Variants in SNRPN observed in about 807,000 individuals in gnomAD.
SNRPN encodes the protein small nuclear ribonucleoprotein-associated protein N.
A neutral mutation model predicts 25.2 loss-of-function variants in SNRPN; 7 were observed. The observed-to-expected ratio is 0.28, with a 90% CI of 0.16 to 0.52. The LOEUF is 0.52. Among genes scored for constraint, SNRPN ranks in the 20% least tolerant of loss-of-function variants. The pLI, the probability that SNRPN is intolerant of heterozygous loss-of-function variation, is 0.96. For synonymous variants in SNRPN, 124 were observed against 110.6 expected, an observed-to-expected ratio of 1.12 and a Z score of -0.76; for missense variants, 196 against 322.5, an observed-to-expected ratio of 0.61 and a Z score of 3.00.
intron 1 of SNRPN, among the ~76,000 whole-genome samples, chr15:24,873,866 G>A (rs1264590225): frequency 6.6e-6 from 1 of 152,004 alleles, no homozygotes; most frequent in Non-Finnish European, 1.5e-5. Context: ...AGCTGATCTA[G>A]ACCACATTTC....
Position 24,976,966 on chromosome 15 carries a change from A to G in SNRPN, c.357A>G (p.Pro119=). ...AAGRGVPAGV[P]IPQAPAGLAG... ...GTAGAGGAGTACCAGCTGGTGTGCC[A>G]ATTCCCCAGGCCCCTGCTGGATTGG... The change falls in exon 7 of 10, where the codon CCA becomes CCG. Residue 119 remains proline, a synonymous_variant. Transcript: ENST00000390687. The G allele has an allele frequency of 6.2e-7, 1 of 1,605,972 alleles. No individual in the cohort carries two copies. The highest frequency in any genetic ancestry group is 8.5e-7 in the Non-Finnish European group (1 of 1,177,226).
intron 1 of SNRPN, among the ~76,000 whole-genome samples, chr15:24,870,040 G>A (rs1413425136): frequency 6.6e-6 from 1 of 152,120 alleles, no homozygotes; most frequent in Non-Finnish European, 1.5e-5. Flanking sequence ...GCCATTGGAA[G>A]GTCTCTCAGT....
intron 1 of SNRPN, among the ~76,000 whole-genome samples, chr15:24,882,237 TAA>T (rs35564149): frequency 2.7e-5 from 4 of 150,906 alleles, no homozygotes; most frequent in Admixed American, 6.6e-5. Flanking sequence ...ACAAAGCCTT[TAA>T]AAAAAAAATT....
At chr15:24,883,104 T>G (rs2056885041) in intron 1 of SNRPN, among the ~76,000 whole-genome samples, 1 of 152,098 alleles carries the variant, frequency 6.6e-6, no homozygotes, top group Non-Finnish European at 1.5e-5. Context: ...CATCATAAAG[T>G]TGAAAAATTG....
upstream of SNRPN, among the ~76,000 whole-genome samples, chr15:24,950,060 A>C (rs1302149760): frequency 6.6e-6 from 1 of 152,110 alleles, no homozygotes; most frequent in Non-Finnish European, 1.5e-5. Context: ...GAGTTCAAGC[A>C]ATCCTCTCGC....
intron 2 of SNRPN, chr15:24,909,952 T>G (rs1405044598): frequency 2.1e-6 from 1 of 485,274 alleles, no homozygotes; most frequent in African/African-American, 1.9e-5. Flanking sequence ...CTGTGTAAAA[T>G]GCTTTTATTA....
At chr15:24,972,651 T>C (rs1393872218) in intron 3 of SNRPN, among the ~76,000 whole-genome samples, 1 of 151,004 alleles carries the variant, frequency 6.6e-6, no homozygotes, top group Non-Finnish European at 1.5e-5. Context: ...TCAAAAGTAA[T>C]TTGTGTTTCA....
At chr15:24,951,941 CTG>C (rs1258260812), upstream of SNRPN, among the ~76,000 whole-genome samples, 1 of 152,126 alleles carries the variant, frequency 6.6e-6, no homozygotes, top group Non-Finnish European at 1.5e-5. Flanking sequence ...TTTTATGTAA[CTG>C]TGATGAAGTT....
chr15:24,897,899 G>A (rs574504035), intron 2 of SNRPN, among the ~76,000 whole-genome samples: 5 of 152,174 alleles, frequency 3.3e-5, no homozygotes, highest in Middle Eastern at 3.4e-3. Context: ...TCTCAGATAT[G>A]TCTTTATTAG....
chr15:24,933,065 C>G (rs1014164878), intron 3 of SNRPN, among the ~76,000 whole-genome samples: 1 of 152,054 alleles, frequency 6.6e-6, no homozygotes. Flanking sequence ...AGTTTGAGAC[C>G]AGCCTGGGCA....
chr15:24,959,282 AAGT>A (rs1171079818), intron 1 of SNRPN, among the ~76,000 whole-genome samples: 2 of 152,106 alleles, frequency 1.3e-5, no homozygotes, highest in African/African-American at 4.8e-5. Flanking sequence ...ACATTCAATA[AAGT>A]AGTGTTTTCA....
At chr15:24,918,560 C>A in intron 2 of SNRPN, among the ~76,000 whole-genome samples, 15 of 73,598 alleles carry the variant, frequency 2.0e-4, no homozygotes, top group East Asian at 8.6e-4. Context: ...GTATATATAA[C>A]ATAATATATA....
intron 2 of SNRPN, chr15:24,909,640 A>C: frequency 8.1e-7 from 1 of 1,235,948 alleles, no homozygotes; most frequent in South Asian, 1.2e-5. Flanking sequence ...CAATCTGACA[A>C]ATGATATCTC....
intron 1 of SNRPN, among the ~76,000 whole-genome samples, chr15:24,879,654 A>G (rs2056390208): frequency 6.6e-6 from 1 of 152,164 alleles, no homozygotes; most frequent in Non-Finnish European, 1.5e-5. Context: ...AATGAACAAC[A>G]TCACATATTT....
At chr15:24,946,504 C>T (rs1318376863) in intron 3 of SNRPN, among the ~76,000 whole-genome samples, 1 of 152,232 alleles carries the variant, frequency 6.6e-6, no homozygotes, top group Non-Finnish European at 1.5e-5. Flanking sequence ...GAATCTCACT[C>T]TATCACCCAG....
chr15:24,955,828 AT>A (rs1413563282), intron 1 of SNRPN, among the ~76,000 whole-genome samples: 1 of 150,704 alleles, frequency 6.6e-6, no homozygotes, highest in African/African-American at 2.4e-5. Flanking sequence ...GGCGGTAGGC[AT>A]GGCGGCGGTG....
chr15:24,863,847 A>G (rs531446897), intron 1 of SNRPN, among the ~76,000 whole-genome samples: 2 of 150,590 alleles, frequency 1.3e-5, no homozygotes, highest in African/African-American at 5.0e-5. Flanking sequence ...TCATTTGAAA[A>G]TTCCAGTTAC....
intron 2 of SNRPN, among the ~76,000 whole-genome samples, chr15:24,906,769 G>A (rs2058832294): frequency 6.6e-6 from 1 of 152,142 alleles, no homozygotes; most frequent in African/African-American, 2.4e-5. Context: ...TCATTCTTAC[G>A]GAGGCTATTA....
intron 1 of SNRPN, among the ~76,000 whole-genome samples, chr15:24,882,823 C>CAAAAAAAAAAAAAAAAAAAA (rs10543501): frequency 2.0e-4 from 25 of 127,076 alleles, no homozygotes; most frequent in South Asian, 1.1e-3. Context: ...GACTCCATCT[C>CAAAAAAAAAAAAAAAAAAAA]AAAAAAAAAA....
Sources: gnomAD v4.1 joint callset for allele counts (sites outside exome capture counted in the v4.1 genomes callset) on GRCh38, gnomAD v4.1.1 for gene constraint, MANE v1.5 for transcripts, NCBI Gene and HGNC (gene_info 2026-07-23, HGNC 2026-07-21) for gene names.